GUCY1A2: variants seen among roughly 807,000 people sequenced by gnomAD.
The protein encoded by GUCY1A2 is guanylate cyclase soluble subunit alpha-2.
Under a neutral mutation model 63.5 loss-of-function variants are expected in GUCY1A2, and 27 were observed. The ratio of observed to expected loss-of-function variants is 0.43; its 90% CI spans 0.31 to 0.59. GUCY1A2 has a LOEUF of 0.59. Among genes scored for constraint, GUCY1A2 ranks in the 20% least tolerant of loss-of-function variants. The probability of loss-of-function intolerance (pLI) is 0.11; values close to 1 mark genes in which losing one functional copy is unlikely to be tolerated. For synonymous variants in GUCY1A2, 364 were observed against 343.5 expected (o/e 1.06, Z -0.66); for missense variants, 768 against 913.3 (o/e 0.84, Z 2.05).
chr11:106,905,632 T>C (rs1860194343), intron 4 of GUCY1A2, among the ~76,000 whole-genome samples: 1 of 152,032 alleles, frequency 6.6e-6, no homozygotes, highest in Non-Finnish European at 1.5e-5. Flanking sequence ...GCCAAGACCC[T>C]GTGAAGTTGC....
chr11:106,765,845 CATTT>C (rs1342293500), intron 6 of GUCY1A2, among the ~76,000 whole-genome samples: 1 of 152,064 alleles, frequency 6.6e-6, no homozygotes, highest in Non-Finnish European at 1.5e-5. Flanking sequence ...TTTCTAAATT[CATTT>C]TTTATGATTG....
intron 6 of GUCY1A2, among the ~76,000 whole-genome samples, chr11:106,740,108 C>T (rs1461900636): frequency 6.6e-6 from 1 of 151,408 alleles, no homozygotes; most frequent in Non-Finnish European, 1.5e-5. Flanking sequence ...AAGTGATTCT[C>T]CTGCCTCAGC....
At chr11:106,989,699 C>G (rs1861446986) in intron 1 of GUCY1A2, among the ~76,000 whole-genome samples, 2 of 151,402 alleles carry the variant, frequency 1.3e-5, no homozygotes, top group Non-Finnish European at 3.0e-5. Flanking sequence ...GAGAAGTTGA[C>G]ACCAATTCCA....
At chr11:106,702,490 TA>T (rs1167996411) in intron 7 of GUCY1A2, among the ~76,000 whole-genome samples, 1 of 152,132 alleles carries the variant, frequency 6.6e-6, no homozygotes, top group Non-Finnish European at 1.5e-5. Flanking sequence ...GTCATCTTTA[TA>T]AAAACTGCTT....
At chr11:106,821,365 T>C (rs1858901080) in intron 4 of GUCY1A2, among the ~76,000 whole-genome samples, 1 of 152,190 alleles carries the variant, frequency 6.6e-6, no homozygotes. Flanking sequence ...TGAAAATGAT[T>C]TTATTTTTCA....
intron 5 of GUCY1A2, among the ~76,000 whole-genome samples, chr11:106,805,608 C>G (rs564108045): frequency 6.6e-6 from 1 of 152,052 alleles, no homozygotes; most frequent in Non-Finnish European, 1.5e-5. Flanking sequence ...AACTTTTATT[C>G]CACTTCACTG....
Position 106,776,586 on chromosome 11 carries a change from C to G in GUCY1A2, c.1693-4G>C. 5 of 1,612,348 alleles carry G rather than the reference C, an allele frequency of 3.1e-6. No individual in the cohort carries two copies. Among genetic ancestry groups the G allele is most frequent in the Non-Finnish European group, 4.2e-6 (5 of 1,178,940 alleles). On this transcript the variant is annotated splice_polypyrimidine_tract_variant and splice_region_variant and intron_variant, in intron 5 of 7. Transcript: ENST00000526355. ...AGGCATCACCTATTGTTTCCACCTG[C>G]AGCAATCAGACAAATCAAATGCAAA...
At position 106,940,013 on chromosome 11, in the gene GUCY1A2, G is replaced by T; in HGVS notation, c.653C>A (p.Ala218Asp). Residue 218 changes from alanine (A) to aspartate (D), a missense_variant, in exon 4 of 8, where the codon GCC (alanine) becomes GAC (aspartate). Around this residue, in one of 3 missense-constraint regions of GUCY1A2, gnomAD observed 496 missense variants for 486.9 expected, o/e 1.02. Coordinates refer to ENST00000526355, the MANE Select transcript of GUCY1A2 (RefSeq NM_000855.3). Reference sequence around the variant, plus strand: ...TAGGAAAGATGGTGACTCCAGAGTGGCCTGTTTTCCAAAAGAAGTTCTAAT... The same window carrying T: ...TAGGAAAGATGGTGACTCCAGAGTGTCCTGTTTTCCAAAAGAAGTTCTAAT... ...EHIRTSFGKQ[A>D]TLESPSFLCK... 1.2e-6 allele frequency: 2 copies of T among 1,614,012 alleles called. No homozygotes were observed. Among genetic ancestry groups the T allele is most frequent in the South Asian group, 2.2e-5 (2 of 91,080 alleles).
chr11:106,723,890 T>C (rs1863359377), intron 6 of GUCY1A2, among the ~76,000 whole-genome samples: 1 of 145,986 alleles, frequency 6.8e-6, no homozygotes, highest in Non-Finnish European at 1.5e-5. Flanking sequence ...TAAATTAATA[T>C]GCTTTTTGAA....
intron 6 of GUCY1A2, among the ~76,000 whole-genome samples, chr11:106,766,709 T>C (rs1665214597): frequency 2.0e-5 from 3 of 152,136 alleles, no homozygotes. Context: ...CATTACTGTC[T>C]TATGTGTTGT....
chr11:106,676,260 A>G lies in GUCY1A2; in HGVS notation c.*11289T>C, dbSNP rs61408907. 5,042 of 183,248 alleles carry G rather than the reference A, an allele frequency of 0.028. 266 individuals are homozygous for G. Among genetic ancestry groups the G allele is most frequent in the African/African-American group, 0.11 (4,751 of 42,636 alleles). 11.4% of individuals were successfully genotyped at this position (183,248 alleles called of 1,614,324 possible). A position where few individuals can be genotyped will look rare whatever the true frequency, so the allele number is the denominator to read the frequency against. On this transcript the variant is annotated 3_prime_UTR_variant, in exon 8 of 8. Transcript: ENST00000526355. ...AAGAATGCCCTTACTCTTAAAGAAG[A>G]TATTTGACTTATTTTCCCTTAGGAG...
intron 4 of GUCY1A2, among the ~76,000 whole-genome samples, chr11:106,858,288 A>C (rs1207029549): frequency 6.6e-6 from 1 of 152,186 alleles, no homozygotes; most frequent in Non-Finnish European, 1.5e-5. Context: ...TATATAAAGA[A>C]ATGAATTATT....
intron 1 of GUCY1A2, among the ~76,000 whole-genome samples, chr11:107,011,487 G>T: frequency 6.9e-6 from 1 of 144,828 alleles, no homozygotes; most frequent in African/African-American, 2.5e-5. Context: ...ACACTAAAAA[G>T]GAATATATAA....
At chr11:106,989,343 C>T (rs1053022877) in intron 1 of GUCY1A2, among the ~76,000 whole-genome samples, 1 of 151,942 alleles carries the variant, frequency 6.6e-6, no homozygotes, top group Non-Finnish European at 1.5e-5. Flanking sequence ...ATTCCTTATG[C>T]GTACCTTATT....
chr11:106,826,217 T>C (rs1591292296), intron 4 of GUCY1A2, among the ~76,000 whole-genome samples: 2 of 152,326 alleles, frequency 1.3e-5, no homozygotes, highest in Middle Eastern at 3.4e-3. Flanking sequence ...TAAATAAACT[T>C]TGAACTGATT....
At chr11:106,872,074 A>G (rs1032960467) in intron 4 of GUCY1A2, among the ~76,000 whole-genome samples, 4 of 152,162 alleles carry the variant, frequency 2.6e-5, no homozygotes, top group African/African-American at 7.2e-5. Flanking sequence ...ATTAAAAAAC[A>G]TAAGCGGTTG....
chr11:106,762,977 A>G (rs1311585403), intron 6 of GUCY1A2, among the ~76,000 whole-genome samples: 2 of 152,130 alleles, frequency 1.3e-5, no homozygotes, highest in Non-Finnish European at 2.9e-5. Flanking sequence ...AACCAAATAT[A>G]TAAGTGAGAA....
At chr11:106,875,192 A>G (rs1199231980) in intron 4 of GUCY1A2, among the ~76,000 whole-genome samples, 2 of 152,148 alleles carry the variant, frequency 1.3e-5, no homozygotes, top group African/African-American at 4.8e-5. Flanking sequence ...ATGACTCAGC[A>G]AATTACCAGG....
chr11:106,723,099 G>T (rs528952453), intron 6 of GUCY1A2, among the ~76,000 whole-genome samples: 2 of 152,222 alleles, frequency 1.3e-5, no homozygotes, highest in East Asian at 3.9e-4. Flanking sequence ...CAAGCTGTTT[G>T]TCTCCCCGAT....
Sources: allele counts gnomAD v4.1 joint callset (sites outside exome capture counted in the v4.1 genomes callset), GRCh38; gene constraint gnomAD v4.1.1; regional missense constraint gnomAD v4.1.1; transcripts MANE v1.5; gene names NCBI Gene and HGNC (gene_info 2026-07-23, HGNC 2026-07-21).